The following PRH1 variants were observed in gnomAD, a reference collection of about 807,000 sequenced individuals.
PRH1 encodes the protein proline rich protein HaeIII subfamily 1, also known as salivary acidic proline-rich phosphoprotein 1/2.
PRH1 carries 7 observed loss-of-function variants against 7.9 expected under a neutral mutation model. The ratio of observed to expected loss-of-function variants is 0.89; its 90% CI spans 0.50 to 1.67. PRH1 has a LOEUF of 1.67. Among genes scored for constraint, PRH1 ranks in the 40% most tolerant of loss-of-function variants. PRH1 has a pLI of 0.00. For missense variants in PRH1, 109 were observed against 223.6 expected (o/e 0.49, Z 3.27); for synonymous variants, 45 against 80.8 (o/e 0.56, Z 2.38).
intron 1 of PRH1, among the ~76,000 whole-genome samples, chr12:11,153,233 G>A (rs763609516): frequency 6.0e-4 from 91 of 152,186 alleles, no homozygotes; most frequent in Admixed American, 1.0e-3. Context: ...GAAAAATTAT[G>A]AACTTAAGGC....
intron 1 of PRH1, among the ~76,000 whole-genome samples, chr12:10,994,077 A>G (rs1940081689): frequency 6.6e-6 from 1 of 152,218 alleles, no homozygotes; most frequent in Non-Finnish European, 1.5e-5. Flanking sequence ...ATTGGAGGGC[A>G]TGAGCACATC....
chr12:11,008,351 C>A (rs183455253), intron 1 of PRH1, among the ~76,000 whole-genome samples: 1 of 151,884 alleles, frequency 6.6e-6, no homozygotes, highest in Admixed American at 6.6e-5. Context: ...TAGAAATGTG[C>A]CAAAACAAAA....
chr12:11,151,611 A>G lies in PRH1; in HGVS notation n.39+19811T>C, dbSNP rs1000834576. Among the ~76,000 whole-genome samples, 8 of 152,158 alleles carry G rather than the reference A, an allele frequency of 5.3e-5. No individual in the cohort carries two copies. The South Asian group carries it at 1.0e-3, about 20-fold the overall frequency. On this transcript the variant is annotated intron_variant and non_coding_transcript_variant, in intron 1 of 1. Coordinates refer to the PRH1 transcript ENST00000541175. ...ATCCTTTACTTCCATTCCTGCTTCC[A>G]TGGTAATGCAGGCTCAAATAAATTA...
intron 1 of PRH1, among the ~76,000 whole-genome samples, chr12:10,992,978 T>C (rs1565529845): frequency 1.3e-5 from 2 of 152,190 alleles, no homozygotes; most frequent in Non-Finnish European, 2.9e-5. Flanking sequence ...GTCCAAGGAA[T>C]AGAATTGGTC....
intron 1 of PRH1, among the ~76,000 whole-genome samples, chr12:11,021,036 G>C (rs1444103057): frequency 6.6e-6 from 1 of 152,134 alleles, no homozygotes; most frequent in Non-Finnish European, 1.5e-5. Flanking sequence ...TTCACATACT[G>C]GTATTAAATC....
chr12:11,083,527 A>ATATTTAATATTGTGAAG (rs1944564950), intron 1 of PRH1, among the ~76,000 whole-genome samples: 2 of 69,874 alleles, frequency 2.9e-5, no homozygotes, highest in African/African-American at 1.3e-4. Flanking sequence ...TTATTGTGAA[A>ATATTTAATATTGTGAAG]CATAACATAC....
At chr12:10,917,889 T>C (rs892013888) in intron 2 of PRH1, among the ~76,000 whole-genome samples, 13 of 152,202 alleles carry the variant, frequency 8.5e-5, no homozygotes, top group Non-Finnish European at 1.9e-4. Flanking sequence ...TTCACACATG[T>C]CCATTTCCCC....
chr12:10,908,508 A>G (rs1326680684), intron 2 of PRH1: 3 of 1,613,974 alleles, frequency 1.9e-6, no homozygotes, highest in Admixed American at 3.3e-5. Flanking sequence ...CTCACAAAGC[A>G]TGTAGATCAC....
In PRH1 at chr12:11,019,431, C is replaced by T. The variant is rs72475472; in HGVS notation, c.-126+27589G>A. On this transcript the variant is annotated intron_variant, in intron 1 of 3. Coordinates refer to the PRH1 transcript ENST00000539853. ...CCCAAATAAATGTCATCACTGTAAA[C>T]TCAGACATTGGCTCTAGTTTTAGAC... 4.6e-3 allele frequency among the ~76,000 whole-genome samples: 700 copies of T among 151,722 alleles called. 11 individuals are homozygous for T. The highest frequency in any genetic ancestry group is 0.016 in the African/African-American group (655 of 41,246).
chr12:11,014,915 G>A (rs1051080874), intron 1 of PRH1, among the ~76,000 whole-genome samples: 1 of 152,004 alleles, frequency 6.6e-6, no homozygotes, highest in African/African-American at 2.4e-5. Context: ...TGGCCATCAG[G>A]TGATGGCCTG....
chr12:11,161,409 G>A (rs1947409488), intron 1 of PRH1, among the ~76,000 whole-genome samples: 1 of 152,170 alleles, frequency 6.6e-6, no homozygotes, highest in Non-Finnish European at 1.5e-5. Context: ...AACAGATCTT[G>A]GAGACTGGCA....
At chr12:11,070,595 T>C (rs1591947789) in intron 1 of PRH1, among the ~76,000 whole-genome samples, 1 of 152,306 alleles carries the variant, frequency 6.6e-6, no homozygotes, top group African/African-American at 2.4e-5. Context: ...CTTCCATTCC[T>C]GCTCAGAAAC....
chr12:10,928,473 A>C (rs1449538581), intron 2 of PRH1, among the ~76,000 whole-genome samples: 1 of 152,230 alleles, frequency 6.6e-6, no homozygotes, highest in South Asian at 2.1e-4. Flanking sequence ...ACCATGTTTC[A>C]GTTTGTTTAG....
At chr12:10,915,381 G>A (rs1471266336) in intron 2 of PRH1, among the ~76,000 whole-genome samples, 1 of 152,144 alleles carries the variant, frequency 6.6e-6, no homozygotes, top group Non-Finnish European at 1.5e-5. Flanking sequence ...GCAGAGGGGT[G>A]AAAAAGCAAC....
At chr12:10,945,402 T>C (rs1364150053) in intron 2 of PRH1, among the ~76,000 whole-genome samples, 3 of 152,118 alleles carry the variant, frequency 2.0e-5, no homozygotes, top group Non-Finnish European at 4.4e-5. Flanking sequence ...TTAAAGCTGG[T>C]GTCTGGGGGA....
chr12:10,999,430 C>A (rs11054144), intron 1 of PRH1, among the ~76,000 whole-genome samples: 1 of 151,880 alleles, frequency 6.6e-6, no homozygotes, highest in Non-Finnish European at 1.5e-5. Flanking sequence ...TAAGAATGTA[C>A]GTAAATGGTG....
intron 1 of PRH1, among the ~76,000 whole-genome samples, chr12:11,146,424 G>A (rs1946863100): frequency 6.6e-6 from 1 of 152,070 alleles, no homozygotes; most frequent in African/African-American, 2.4e-5. Context: ...TGTCATCTAA[G>A]AACATGATTT....
chr12:11,044,777 A>G (rs1221554720), intron 1 of PRH1, among the ~76,000 whole-genome samples: 2 of 152,180 alleles, frequency 1.3e-5, no homozygotes, highest in African/African-American at 4.8e-5. Context: ...CAACCCCGTT[A>G]AAACAGCTTA....
At chr12:10,971,703 C>A (rs1938822741) in intron 2 of PRH1, among the ~76,000 whole-genome samples, 6 of 152,076 alleles carry the variant, frequency 3.9e-5, no homozygotes. Flanking sequence ...TTTGAAAATT[C>A]TCATTACTTC....
Sources: gnomAD v4.1 joint callset for allele counts (sites outside exome capture counted in the v4.1 genomes callset) on GRCh38, gnomAD v4.1.1 for gene constraint, MANE v1.5 for transcripts, NCBI Gene and HGNC (gene_info 2026-07-23, HGNC 2026-07-21) for gene names.